The following NCKAP5 variants were observed in gnomAD, a reference collection of about 807,000 sequenced individuals.
The protein encoded by NCKAP5 is nck-associated protein 5.
A neutral mutation model predicts 167.0 loss-of-function variants in NCKAP5; 92 were observed. The observed-to-expected ratio is 0.55, with a 90% confidence interval of 0.47 to 0.66. The LOEUF is 0.66. Ranked by LOEUF, NCKAP5 falls within the 30% of genes least tolerant of loss-of-function variation. The pLI, the probability that NCKAP5 is intolerant of heterozygous loss-of-function variation, is 0.00. For synonymous variants in NCKAP5, 891 were observed against 877.4 expected (o/e 1.02, Z -0.27); for missense variants, 2,378 against 2,315.0 (o/e 1.03, Z -0.56).
chr2:132,995,059 G>C (rs1453853984), intron 6 of NCKAP5, among the ~76,000 whole-genome samples: 1 of 152,198 alleles, frequency 6.6e-6, no homozygotes, highest in Non-Finnish European at 1.5e-5. Flanking sequence ...ACTGGAAGTT[G>C]CTCTGGGTGA....
Position 133,379,719 on chromosome 2 carries a change from C to T in NCKAP5, c.70-76609G>A, listed in dbSNP as rs556038342. 1.1e-4 allele frequency among the ~76,000 whole-genome samples: 17 copies of T among 152,236 alleles called. No homozygotes were observed. In the South Asian group the frequency reaches 3.5e-3, roughly 32 times the overall value. ...AAACACTTGTGGAATCAATGAAAAA[C>T]CTTACTAATATTGCATCTCAGATTG... On this transcript the variant is annotated intron_variant, in intron 3 of 19. Coordinates refer to ENST00000409261, the MANE Select transcript of NCKAP5 (RefSeq NM_207363.3).
chr2:133,435,001 A>C (rs1690382812), intron 3 of NCKAP5, among the ~76,000 whole-genome samples: 1 of 152,242 alleles, frequency 6.6e-6, no homozygotes, highest in South Asian at 2.1e-4. Flanking sequence ...CCCAAATCCA[A>C]AAGACTTTGA....
At chr2:133,575,315 C>T in the NCKAP5 span, among the ~76,000 whole-genome samples, 1 of 152,200 alleles carries the variant, frequency 6.6e-6, no homozygotes, top group Admixed American at 6.5e-5. Context: ...GTACAATAAC[C>T]ATTGTTCAAT....
At chr2:133,251,412 G>A (rs143407942) in intron 4 of NCKAP5, among the ~76,000 whole-genome samples, 4 of 152,212 alleles carry the variant, frequency 2.6e-5, no homozygotes, top group African/African-American at 9.6e-5. Context: ...CTGCCATTGA[G>A]CTCCCCCAAA....
intron 2 of NCKAP5, among the ~76,000 whole-genome samples, chr2:133,549,581 G>T (rs1687089016): frequency 6.7e-6 from 1 of 150,256 alleles, no homozygotes; most frequent in African/African-American, 2.5e-5. Context: ...GAATCTCCGG[G>T]ACGCATTCAA....
intron 5 of NCKAP5, among the ~76,000 whole-genome samples, chr2:133,199,274 C>T (rs1200156728): frequency 1.3e-5 from 2 of 151,890 alleles, no homozygotes; most frequent in African/African-American, 4.8e-5. Flanking sequence ...CTTCTGTTCA[C>T]CTAAAGACGC....
intron 4 of NCKAP5, among the ~76,000 whole-genome samples, chr2:133,291,844 T>C (rs563677996): frequency 6.6e-6 from 1 of 152,380 alleles, no homozygotes; most frequent in South Asian, 2.1e-4. Flanking sequence ...AACCTATTCC[T>C]GATTCTTTGA....
intron 7 of NCKAP5, among the ~76,000 whole-genome samples, chr2:132,990,555 A>G (rs1387838542): frequency 6.6e-6 from 1 of 152,218 alleles, no homozygotes; most frequent in Non-Finnish European, 1.5e-5. Context: ...GATTTGATCA[A>G]CTTCAGGATC....
chr2:132,984,919 C>A (rs2077247400), intron 7 of NCKAP5, among the ~76,000 whole-genome samples: 1 of 148,810 alleles, frequency 6.7e-6, no homozygotes, highest in Non-Finnish European at 1.5e-5. Flanking sequence ...ATCTAGAATG[C>A]CCCAAGTATT....
At chr2:133,160,439 C>CTT (rs796129741) in intron 5 of NCKAP5, among the ~76,000 whole-genome samples, 2 of 49,796 alleles carry the variant, frequency 4.0e-5, no homozygotes, top group African/African-American at 1.5e-4. Flanking sequence ...CTTTCTTTTT[C>CTT]TTTTTTTTTT....
At chr2:133,602,793 G>A in the NCKAP5 span, among the ~76,000 whole-genome samples, 1 of 152,304 alleles carries the variant, frequency 6.6e-6, no homozygotes, top group African/African-American at 2.4e-5. Flanking sequence ...AGGGAGGGAA[G>A]TTAACCCAGT....
chr2:132,798,478 A>G (rs1684778474), intron 11 of NCKAP5, among the ~76,000 whole-genome samples: 2 of 152,244 alleles, frequency 1.3e-5, no homozygotes, highest in Non-Finnish European at 2.9e-5. Flanking sequence ...ATGACATTCA[A>G]CAAAAGAAAT....
chr2:133,410,984 C>T (rs1400317781), intron 3 of NCKAP5, among the ~76,000 whole-genome samples: 2 of 152,206 alleles, frequency 1.3e-5, no homozygotes, highest in African/African-American at 4.8e-5. Flanking sequence ...CTTCTCTCCT[C>T]TTGGCAGTCT....
intron 6 of NCKAP5, among the ~76,000 whole-genome samples, chr2:133,100,742 G>A (rs1334508778): frequency 6.6e-6 from 1 of 151,912 alleles, no homozygotes; most frequent in Non-Finnish European, 1.5e-5. Flanking sequence ...CAGTTTAAAT[G>A]CACTCTCTTC....
At chr2:133,036,810 C>T (rs1056844827) in intron 6 of NCKAP5, among the ~76,000 whole-genome samples, 1 of 152,064 alleles carries the variant, frequency 6.6e-6, no homozygotes, top group South Asian at 2.1e-4. Context: ...TATTAGAAAT[C>T]CTAGCTGGAG....
intron 11 of NCKAP5, among the ~76,000 whole-genome samples, chr2:132,844,470 G>A (rs145694086): frequency 5.3e-5 from 8 of 152,112 alleles, no homozygotes; most frequent in East Asian, 3.9e-4. Flanking sequence ...ATGTGCTTAC[G>A]TATACAGGTA....
rs1574739244 is a variant in NCKAP5, at chr2:133,338,637, T to A, written c.70-35527A>T. Among the ~76,000 whole-genome samples the A allele has an allele frequency of 3.3e-5, 5 of 152,340 alleles. No individual in the cohort carries two copies. In the Middle Eastern group the frequency reaches 0.014, roughly 415 times the overall value. On this transcript the variant is annotated intron_variant, in intron 3 of 19. Coordinates refer to ENST00000409261, the MANE Select transcript of NCKAP5 (RefSeq NM_207363.3). Reference sequence around the variant, plus strand: ...TGTTATCAAGACTAAAACTACCAAGTGTTTTCTGTTTTAGTCCGAAAAGAT... The same window carrying A: ...TGTTATCAAGACTAAAACTACCAAGAGTTTTCTGTTTTAGTCCGAAAAGAT...
chr2:133,455,667 T>A (rs940542604), intron 3 of NCKAP5, among the ~76,000 whole-genome samples: 1 of 152,032 alleles, frequency 6.6e-6, no homozygotes, highest in South Asian at 2.1e-4. Context: ...TCTAATACCA[T>A]CACCATATAT....
At chr2:133,107,822 T>A (rs1649567435) in intron 6 of NCKAP5, among the ~76,000 whole-genome samples, 1 of 152,224 alleles carries the variant, frequency 6.6e-6, no homozygotes, top group Non-Finnish European at 1.5e-5. Context: ...TTTCTGCCCA[T>A]CATGAAGGCA....
Sources: gnomAD v4.1 joint callset for allele counts (sites outside exome capture counted in the v4.1 genomes callset) on GRCh38, gnomAD v4.1.1 for gene constraint, MANE v1.5 for transcripts, NCBI Gene and HGNC (gene_info 2026-07-23, HGNC 2026-07-21) for gene names.